EPB41L4A: variants seen among roughly 807,000 people sequenced by gnomAD.
EPB41L4A encodes the protein erythrocyte membrane protein band 4.1 like 4A, also known as band 4.1-like protein 4A.
EPB41L4A carries 100 observed loss-of-function variants against 108.6 expected under a neutral mutation model. The observed-to-expected ratio is 0.92, with a 90% confidence interval of 0.78 to 1.09. The LOEUF (loss-of-function observed/expected upper bound fraction) is 1.09, where lower values mean the gene tolerates loss of function less well. EPB41L4A is among the 50% of genes least tolerant of loss of function. The probability of loss-of-function intolerance (pLI) is 0.00; values close to 1 mark genes in which losing one functional copy is unlikely to be tolerated. For synonymous variants in EPB41L4A, 319 were observed against 289.0 expected, an observed-to-expected ratio of 1.10 and a Z score of -1.05; for missense variants, 1,030 against 842.7, an observed-to-expected ratio of 1.22 and a Z score of -2.75.
At chr5:112,261,970 C>T (rs1430396574) in intron 7 of EPB41L4A, among the ~76,000 whole-genome samples, 1 of 147,690 alleles carries the variant, frequency 6.8e-6, no homozygotes, top group African/African-American at 2.5e-5. Context: ...CTCACTGCAA[C>T]CTCTGCCTCC....
At chr5:112,252,544 T>C (rs1750756061) in intron 9 of EPB41L4A, among the ~76,000 whole-genome samples, 1 of 152,162 alleles carries the variant, frequency 6.6e-6, no homozygotes, top group Non-Finnish European at 1.5e-5. Context: ...GGGTTCCCAA[T>C]GACCAAATGT....
exon 14 of EPB41L4A, chr5:112,143,874 G>A (rs946941931): frequency 6.6e-6 from 3 of 455,626 alleles, no homozygotes; most frequent in Non-Finnish European, 1.3e-5. Flanking sequence ...AGAAAGCAGA[G>A]TCTGCACTGA....
chr5:112,263,190 G>A (rs1460099510), intron 6 of EPB41L4A, among the ~76,000 whole-genome samples: 1 of 152,206 alleles, frequency 6.6e-6, no homozygotes, highest in Non-Finnish European at 1.5e-5. Context: ...ATGAGGGTGA[G>A]CATCAGCCAG....
At chr5:112,252,272 T>C (rs1750733150) in intron 9 of EPB41L4A, among the ~76,000 whole-genome samples, 1 of 152,130 alleles carries the variant, frequency 6.6e-6, no homozygotes, top group Non-Finnish European at 1.5e-5. Flanking sequence ...TCTATGTGTG[T>C]ATATATGAAA....
chr5:112,278,320 G>A (rs1752737505), intron 3 of EPB41L4A, among the ~76,000 whole-genome samples: 1 of 150,680 alleles, frequency 6.6e-6, no homozygotes, highest in Admixed American at 6.6e-5. Context: ...TGGGATCTCA[G>A]GTCACTGCAA....
intron 12 of EPB41L4A, among the ~76,000 whole-genome samples, chr5:112,220,042 A>T (rs1384211431): frequency 1.3e-5 from 2 of 152,184 alleles, no homozygotes; most frequent in Non-Finnish European, 2.9e-5. Flanking sequence ...TTATTTCCCT[A>T]ATGATTACAT....
At chr5:112,280,404 AT>A in intron 2 of EPB41L4A, 81 bp from the exon 3 acceptor site, 6 of 1,274,440 alleles carry the variant, frequency 4.7e-6, no homozygotes, top group Non-Finnish European at 5.7e-6. Context: ...GCAAAATGTT[AT>A]TTAAACAACA....
chr5:112,269,499 A>T (rs1257370147), intron 4 of EPB41L4A, among the ~76,000 whole-genome samples: 2 of 152,042 alleles, frequency 1.3e-5, no homozygotes, highest in African/African-American at 2.4e-5. Context: ...AATTAGAACA[A>T]GTTAGAGTTG....
intron 6 of EPB41L4A, chr5:112,263,737 G>T (rs938987284): frequency 6.6e-6 from 1 of 152,090 alleles, no homozygotes; most frequent in African/African-American, 2.4e-5. Context: ...TTCAGCAGCT[G>T]ACTTCTGCTT....
intron 1 of EPB41L4A, among the ~76,000 whole-genome samples, chr5:112,371,901 T>TG (rs1478312697): frequency 6.6e-6 from 1 of 152,060 alleles, no homozygotes; most frequent in African/African-American, 2.4e-5. Flanking sequence ...GTAGAGGAGA[T>TG]GGACAATACA....
intron 13 of EPB41L4A, among the ~76,000 whole-genome samples, chr5:112,208,708 AC>A (rs1228867863): frequency 2.6e-5 from 4 of 152,296 alleles, no homozygotes; most frequent in Admixed American, 1.3e-4. Context: ...TGGCACACGT[AC>A]CCCTGGACCT....
intron 1 of EPB41L4A, among the ~76,000 whole-genome samples, chr5:112,359,819 C>T (rs1018630767): frequency 3.3e-5 from 5 of 152,138 alleles, no homozygotes; most frequent in African/African-American, 9.7e-5. Flanking sequence ...GGATTACAGG[C>T]GTGAGCCACT....
intron 2 of EPB41L4A, among the ~76,000 whole-genome samples, chr5:112,301,088 A>T (rs2150564199): frequency 6.6e-6 from 1 of 151,498 alleles, no homozygotes; most frequent in East Asian, 1.9e-4. Flanking sequence ...ATTGGACTTC[A>T]CCTTTCTCTG....
At chr5:112,154,195 C>T (rs569899840) in intron 12 of EPB41L4A, among the ~76,000 whole-genome samples, 1 of 152,312 alleles carries the variant, frequency 6.6e-6, no homozygotes, top group African/African-American at 2.4e-5. Flanking sequence ...TCTTCCACTA[C>T]TGCGGCATTA....
intron 1 of EPB41L4A, among the ~76,000 whole-genome samples, chr5:112,380,880 C>T (rs1202772097): frequency 1.3e-5 from 2 of 151,902 alleles, no homozygotes; most frequent in Non-Finnish European, 2.9e-5. Flanking sequence ...ACCCAGAAGC[C>T]ACTGATATTT....
chr5:112,142,511 A>C (rs1759104605), exon 14 of EPB41L4A: 1 of 152,220 alleles, frequency 6.6e-6, no homozygotes, highest in Non-Finnish European at 1.5e-5. Context: ...GGTCAAGAAT[A>C]TACTCATGGA....
At chr5:112,372,908 A>G (rs1032773934) in intron 1 of EPB41L4A, among the ~76,000 whole-genome samples, 13 of 152,230 alleles carry the variant, frequency 8.5e-5, no homozygotes, top group Admixed American at 3.3e-4. Context: ...GGGTAGACAG[A>G]TATTTTGAAA....
intron 9 of EPB41L4A, among the ~76,000 whole-genome samples, chr5:112,248,921 T>TGGGGGG (rs1354991999): frequency 6.6e-6 from 1 of 152,096 alleles, no homozygotes; most frequent in Non-Finnish European, 1.5e-5. Flanking sequence ...GTTTTTGTTT[T>TGGGGGG]GGGAAACAGC....
chr5:112,324,071 G>A (rs1359082447), intron 1 of EPB41L4A, among the ~76,000 whole-genome samples: 1 of 152,152 alleles, frequency 6.6e-6, no homozygotes, highest in African/African-American at 2.4e-5. Context: ...CTAATAGACA[G>A]AGTTCTAAAG....
Sources: allele counts gnomAD v4.1 joint callset (sites outside exome capture counted in the v4.1 genomes callset), GRCh38; gene constraint gnomAD v4.1.1; transcripts MANE v1.5; gene names NCBI Gene and HGNC (gene_info 2026-07-23, HGNC 2026-07-21).